TEAD1: variants seen among roughly 807,000 people sequenced by gnomAD.
TEAD1 encodes TEA domain transcription factor 1, also known as transcriptional enhancer factor TEF-1.
TEAD1 carries 9 observed loss-of-function variants against 54.9 expected under a neutral mutation model. The ratio of observed to expected loss-of-function variants is 0.16; its 90% CI spans 0.10 to 0.29. The LOEUF (loss-of-function observed/expected upper bound fraction) is 0.29. TEAD1 is among the 10% of genes least tolerant of loss of function. The pLI, the probability that TEAD1 is intolerant of heterozygous loss-of-function variation, is 1.00. For synonymous variants in TEAD1, 200 were observed against 187.8 expected (o/e 1.07, Z -0.53); for missense variants, 387 against 535.9 (o/e 0.72, Z 2.74).
chr11:12,879,241 C>T (rs1406106628), intron 5 of TEAD1, among the ~76,000 whole-genome samples: 4 of 152,194 alleles, frequency 2.6e-5, no homozygotes, highest in South Asian at 2.1e-4. Flanking sequence ...GGCCCTGTGA[C>T]AGTCAGGACA....
chr11:12,847,111 C>T (rs1947171920), intron 3 of TEAD1, among the ~76,000 whole-genome samples: 1 of 152,206 alleles, frequency 6.6e-6, no homozygotes, highest in Non-Finnish European at 1.5e-5. Context: ...CCCTCCCTTT[C>T]TGCCTGCCCA....
At chr11:12,827,481 T>C (rs1357201978) in intron 3 of TEAD1, among the ~76,000 whole-genome samples, 1 of 152,184 alleles carries the variant, frequency 6.6e-6, no homozygotes, top group Non-Finnish European at 1.5e-5. Flanking sequence ...ATGAGAACAC[T>C]TAGTATCCCT....
chr11:12,830,786 GCACATT>G (rs1383387539), intron 3 of TEAD1, among the ~76,000 whole-genome samples: 5 of 149,754 alleles, frequency 3.3e-5, no homozygotes, highest in African/African-American at 1.3e-4. Flanking sequence ...ACATGCACAT[GCACATT>G]CACATTGTAA....
At chr11:12,845,568 C>T (rs898850234) in intron 3 of TEAD1, among the ~76,000 whole-genome samples, 9 of 152,160 alleles carry the variant, frequency 5.9e-5, no homozygotes, top group Admixed American at 1.3e-4. Flanking sequence ...TCTGTGTACA[C>T]GTGTGTGATG....
At chr11:12,840,366 T>C (rs1036005037) in intron 3 of TEAD1, among the ~76,000 whole-genome samples, 5 of 150,600 alleles carry the variant, frequency 3.3e-5, no homozygotes, top group Non-Finnish European at 5.9e-5. Flanking sequence ...TGTGTAAGGA[T>C]GGGGAGTCAG....
chr11:12,690,135 C>T (rs1019185937), intron 2 of TEAD1, among the ~76,000 whole-genome samples: 3 of 150,596 alleles, frequency 2.0e-5, no homozygotes, highest in South Asian at 2.1e-4. Flanking sequence ...CAGCTACTCC[C>T]GAAGCTGAAG....
chr11:12,877,052 T>TA (rs201408743), intron 5 of TEAD1, among the ~76,000 whole-genome samples: 128 of 151,994 alleles, frequency 8.4e-4, no homozygotes, highest in African/African-American at 2.7e-3. Context: ...TTTCAAATCT[T>TA]AAAAAAAAGG....
intron 3 of TEAD1, among the ~76,000 whole-genome samples, chr11:12,803,234 A>G (rs1946100594): frequency 6.6e-6 from 1 of 151,240 alleles, no homozygotes; most frequent in African/African-American, 2.4e-5. Flanking sequence ...CATTTCCATG[A>G]TTAGTCATCT....
chr11:12,898,196 G>A (rs537894709), intron 9 of TEAD1, among the ~76,000 whole-genome samples: 1 of 152,178 alleles, frequency 6.6e-6, no homozygotes, highest in East Asian at 1.9e-4. Context: ...GTTATGAGTG[G>A]GCCATTATCA....
chr11:12,766,935 C>T (rs1044600147), intron 3 of TEAD1, among the ~76,000 whole-genome samples: 2 of 152,140 alleles, frequency 1.3e-5, no homozygotes, highest in Non-Finnish European at 2.9e-5. Flanking sequence ...GCCACCCCCA[C>T]CTCCAGGCAG....
At chr11:12,842,004 A>G (rs1459775175) in intron 3 of TEAD1, among the ~76,000 whole-genome samples, 1 of 152,178 alleles carries the variant, frequency 6.6e-6, no homozygotes, top group African/African-American at 2.4e-5. Context: ...GGCTTTCCTC[A>G]TGTGCCGAAT....
At chr11:12,734,874 A>G (rs1305141165) in intron 2 of TEAD1, among the ~76,000 whole-genome samples, 2 of 152,262 alleles carry the variant, frequency 1.3e-5, no homozygotes, top group Non-Finnish European at 2.9e-5. Flanking sequence ...GTGACTGCAC[A>G]TAAACACCTG....
At chr11:12,858,221 G>C (rs184868192) in intron 3 of TEAD1, among the ~76,000 whole-genome samples, 1 of 152,178 alleles carries the variant, frequency 6.6e-6, no homozygotes, top group Non-Finnish European at 1.5e-5. Context: ...CAGCCAAAAA[G>C]ATCTTCCAAA....
Position 12,939,915 on chromosome 11 carries a change from G to A in TEAD1, c.*2693G>A, listed in dbSNP as rs951139786. ...GAGTCTGTCTTTTGTCCTTCATTCT[G>A]TATGGCAGTCTCCCTTTGTTATAAA... On this transcript the variant is annotated 3_prime_UTR_variant, in exon 13 of 13. Coordinates refer to ENST00000527636, the MANE Select transcript of TEAD1 (RefSeq NM_021961.6). The A allele has an allele frequency of 6.6e-6, 1 of 152,078 alleles. No homozygotes were observed. Among genetic ancestry groups the A allele is most frequent in the African/African-American group, 2.4e-5 (1 of 41,394 alleles). The allele number at this position is 152,078 out of a possible 1,614,324, so 9.4% of individuals were successfully genotyped here. A position where few individuals can be genotyped will look rare whatever the true frequency, so the allele number is the denominator to read the frequency against.
At chr11:12,695,883 G>T (rs545238299) in intron 2 of TEAD1, among the ~76,000 whole-genome samples, 1 of 152,234 alleles carries the variant, frequency 6.6e-6, no homozygotes, top group African/African-American at 2.4e-5. Flanking sequence ...CATTCATGCC[G>T]TCCAAGACCT....
At chr11:12,678,242 G>A (rs1358491138) in intron 2 of TEAD1, among the ~76,000 whole-genome samples, 3 of 152,194 alleles carry the variant, frequency 2.0e-5, no homozygotes, top group Non-Finnish European at 2.9e-5. Context: ...AAATGCGAGC[G>A]TTACAGCTGC....
chr11:12,809,319 GC>G (rs1431680316), intron 3 of TEAD1, among the ~76,000 whole-genome samples: 7 of 152,282 alleles, frequency 4.6e-5, no homozygotes, highest in Non-Finnish European at 1.0e-4. Flanking sequence ...CAGTGATAGA[GC>G]CTTTATTTCC....
chr11:12,920,198 G>A (rs1293430983), intron 10 of TEAD1, among the ~76,000 whole-genome samples: 1 of 152,192 alleles, frequency 6.6e-6, no homozygotes, highest in Admixed American at 6.5e-5. Flanking sequence ...TCTGCTAGGT[G>A]TGCCACTGCT....
intron 2 of TEAD1, among the ~76,000 whole-genome samples, chr11:12,734,655 A>C (rs947124808): frequency 6.6e-6 from 1 of 152,218 alleles, no homozygotes; most frequent in African/African-American, 2.4e-5. Flanking sequence ...GTTTAGATAC[A>C]CAAATACTTA....
Sources: allele counts gnomAD v4.1 joint callset (sites outside exome capture counted in the v4.1 genomes callset), GRCh38; gene constraint gnomAD v4.1.1; transcripts MANE v1.5; gene names NCBI Gene and HGNC (gene_info 2026-07-23, HGNC 2026-07-21).